ZNF892: variants seen among roughly 807,000 people sequenced by gnomAD.
The protein encoded by ZNF892 is zinc finger protein 570-like.
At chr2:95,252,405 G>A in the ZNF892 span, among the ~76,000 whole-genome samples, 2 of 152,074 alleles carry the variant, frequency 1.3e-5, no homozygotes. Context: ...TCCCTACAAA[G>A]GACATGAACT....
the ZNF892 span, among the ~76,000 whole-genome samples, chr2:95,229,415 T>A: frequency 6.6e-6 from 1 of 152,288 alleles, no homozygotes; most frequent in Middle Eastern, 3.4e-3. Flanking sequence ...TCCATGCCCT[T>A]CCCTTCCCAG....
At chr2:95,210,087 G>C in the ZNF892 span, among the ~76,000 whole-genome samples, 1 of 149,446 alleles carries the variant, frequency 6.7e-6, no homozygotes, top group Non-Finnish European at 1.5e-5. Flanking sequence ...ATGTATATAT[G>C]TATATATATG....
the ZNF892 span, among the ~76,000 whole-genome samples, chr2:95,254,681 G>A: frequency 1.3e-5 from 2 of 152,120 alleles, no homozygotes; most frequent in Non-Finnish European, 2.9e-5. Context: ...TGTACCTCTG[G>A]TAGAATTCGG....
chr2:95,214,522 C>A, the ZNF892 span: 1 of 398,542 alleles, frequency 2.5e-6, no homozygotes, highest in East Asian at 3.6e-5. Context: ...ACTGAGAAAT[C>A]TTCTAGGGAG....
the ZNF892 span, among the ~76,000 whole-genome samples, chr2:95,253,228 T>TA: frequency 2.0e-5 from 3 of 152,148 alleles, no homozygotes; most frequent in African/African-American, 7.2e-5. Flanking sequence ...GTCTAACATT[T>TA]AGTCTTTAAT....
the ZNF892 span, among the ~76,000 whole-genome samples, chr2:95,228,976 G>C: frequency 5.3e-5 from 8 of 152,138 alleles, no homozygotes; most frequent in Non-Finnish European, 8.8e-5. Context: ...TGTATCATCT[G>C]TCTGTGACCT....
At chr2:95,239,009 C>T in the ZNF892 span, among the ~76,000 whole-genome samples, 11 of 152,080 alleles carry the variant, frequency 7.2e-5, no homozygotes, top group East Asian at 5.8e-4. Context: ...CGTGGTGGCG[C>T]GTGCCTGTAA....
At chr2:95,251,702 C>A in the ZNF892 span, among the ~76,000 whole-genome samples, 1 of 152,254 alleles carries the variant, frequency 6.6e-6, no homozygotes, top group East Asian at 1.9e-4. Context: ...CTGATGGAAG[C>A]CTGACCACTT....
the ZNF892 span, chr2:95,208,525 T>C: frequency 5.0e-6 from 2 of 397,132 alleles, no homozygotes; most frequent in Non-Finnish European, 4.4e-6. Flanking sequence ...AAAGATATTA[T>C]GCGATTTTCG....
chr2:95,257,887 C>T, the ZNF892 span, among the ~76,000 whole-genome samples: 1 of 152,232 alleles, frequency 6.6e-6, no homozygotes, highest in East Asian at 1.9e-4. Flanking sequence ...ATATAATCTC[C>T]TGGTGTGCCA....
chr2:95,207,571 T>A, the ZNF892 span: 1 of 379,074 alleles, frequency 2.6e-6, no homozygotes, highest in East Asian at 3.8e-5. Context: ...GGCTGTTAGA[T>A]GCCTTTGTCG....
At chr2:95,221,002 A>G in the ZNF892 span, among the ~76,000 whole-genome samples, 3 of 152,234 alleles carry the variant, frequency 2.0e-5, no homozygotes, top group Non-Finnish European at 4.4e-5. Flanking sequence ...GCCATATGAC[A>G]TATGATATCA....
chr2:95,250,312 T>G, the ZNF892 span, among the ~76,000 whole-genome samples: 1 of 151,952 alleles, frequency 6.6e-6, no homozygotes, highest in Non-Finnish European at 1.5e-5. Flanking sequence ...AAGTTGTATG[T>G]CTGCAGTACA....
chr2:95,230,973 A>G, the ZNF892 span, among the ~76,000 whole-genome samples: 1 of 152,232 alleles, frequency 6.6e-6, no homozygotes, highest in African/African-American at 2.4e-5. Flanking sequence ...AAAAAATATA[A>G]GGAAGGTCTC....
At chr2:95,227,935 T>C in the ZNF892 span, among the ~76,000 whole-genome samples, 18 of 152,226 alleles carry the variant, frequency 1.2e-4, no homozygotes, top group Non-Finnish European at 2.9e-5. Flanking sequence ...AATGCTGTTA[T>C]TCAACCCAAA....
the ZNF892 span, chr2:95,215,408 A>G: frequency 4.5e-6 from 2 of 439,918 alleles, no homozygotes; most frequent in Non-Finnish European, 8.1e-6. Flanking sequence ...GCCAGAGCTC[A>G]TCTCTTACAA....
chr2:95,220,514 G>A, the ZNF892 span, among the ~76,000 whole-genome samples: 2 of 152,074 alleles, frequency 1.3e-5, no homozygotes, highest in Non-Finnish European at 2.9e-5. Context: ...CCACCTTTTA[G>A]AACTTTCTTA....
the ZNF892 span, chr2:95,211,759 T>C: frequency 2.5e-6 from 1 of 398,462 alleles, no homozygotes; most frequent in South Asian, 1.3e-4. Flanking sequence ...ATTTACCCAG[T>C]GTGGTACCTT....
At chr2:95,229,746 A>G in the ZNF892 span, among the ~76,000 whole-genome samples, 18 of 152,294 alleles carry the variant, frequency 1.2e-4, no homozygotes, top group East Asian at 3.1e-3. Context: ...TCTCATGAAT[A>G]TAAGTGCTAT....
Sources: gnomAD v4.1 joint callset for allele counts (sites outside exome capture counted in the v4.1 genomes callset) on GRCh38, gnomAD v4.1.1 for gene constraint, MANE v1.5 for transcripts, NCBI Gene and HGNC (gene_info 2026-07-23, HGNC 2026-07-21) for gene names.